Variants in TTLL9 observed in about 807,000 individuals in gnomAD.
TTLL9 encodes the protein probable tubulin polyglutamylase TTLL9.
TTLL9 carries 47 observed loss-of-function variants against 65.6 expected under a neutral mutation model. The ratio of observed to expected loss-of-function variants is 0.72; its 90% CI spans 0.57 to 0.91. The LOEUF (loss-of-function observed/expected upper bound fraction) is 0.91, where lower values mean the gene tolerates loss of function less well. Among genes scored for constraint, TTLL9 ranks in the 40% least tolerant of loss-of-function variants. The pLI, the probability that TTLL9 is intolerant of heterozygous loss-of-function variation, is 0.00. For missense variants in TTLL9, 537 were observed against 568.8 expected, an observed-to-expected ratio of 0.94 and a Z score of 0.57; for synonymous variants, 179 against 204.8, an observed-to-expected ratio of 0.87 and a Z score of 1.07.
At position 31,939,254 on chromosome 20, in the gene TTLL9, A is replaced by T; in HGVS notation, c.1231A>T (p.Asn411Tyr). 6.2e-7 allele frequency: 1 copy of T among 1,613,576 alleles called. No individual in the cohort carries two copies. Among genetic ancestry groups the T allele is most frequent in the East Asian group, 2.2e-5 (1 of 44,848 alleles). ...GTCGGGAATGGGAAACTTTGTGACC[A>T]ACACACATCTCGGTATGTAGGGCCA... ...DLSGMGNFVT[N>Y]THLGCVNDRK... Residue 411 changes from asparagine (N) to tyrosine (Y), a missense_variant, in exon 14 of 15, where the codon AAC (asparagine) becomes TAC (tyrosine). Physicochemically the swap from Asn to Tyr is moderately radical, Grantham distance 143 (BLOSUM62 -2). Coordinates refer to ENST00000535842, the MANE Select transcript of TTLL9 (RefSeq NM_001008409.5).
intron 2 of TTLL9, among the ~76,000 whole-genome samples, chr20:31,882,629 A>T (rs1456458311): frequency 6.6e-6 from 1 of 152,092 alleles, no homozygotes; most frequent in African/African-American, 2.4e-5. Flanking sequence ...TAATTTTTTA[A>T]AAAAAAACTC....
At chr20:31,905,984 G>C (rs936293925) in intron 4 of TTLL9, among the ~76,000 whole-genome samples, 2 of 136,246 alleles carry the variant, frequency 1.5e-5, no homozygotes, top group African/African-American at 5.5e-5. Flanking sequence ...GGTGAGTCGA[G>C]ATCGTGCCAT....
In TTLL9 at chr20:31,870,978, CCACCCGTGCAGAGA is replaced by C. The variant is rs959736588; in HGVS notation, c.-6+35_-6+48del. The C allele has an allele frequency of 6.5e-6, 5 of 764,622 alleles. No homozygotes were observed. The African/African-American group carries it at 8.5e-5, about 13-fold the overall frequency. The allele number at this position is 764,622 out of a possible 1,614,324, so 47.4% of individuals were successfully genotyped here. A position where few individuals can be genotyped will look rare whatever the true frequency, so the allele number is the denominator to read the frequency against. The stretch of plus-strand genomic sequence containing the variant: ...GGTAATTCCTTCCGATACATCCTCT[CCACCCGTGCAGAGA>C]CACCCTACCAACCAGCCTTCCTCCT... On this transcript the variant is annotated intron_variant, in intron 1 of 14. Transcript: ENST00000535842. The surrounding 1 kb of genome is among the most constrained non-coding windows in gnomAD (Gnocchi z 6.6).
intron 3 of TTLL9, among the ~76,000 whole-genome samples, chr20:31,894,499 T>C (rs188852180): frequency 2.6e-5 from 4 of 152,138 alleles, no homozygotes; most frequent in Admixed American, 2.6e-4. Context: ...TCTCTAATGA[T>C]TCTGATAACT....
intron 3 of TTLL9, among the ~76,000 whole-genome samples, chr20:31,890,142 CTTCCTTCCTTCCTTCT>C (rs1568753425): frequency 2.4e-4 from 6 of 25,134 alleles, no homozygotes; most frequent in African/African-American, 1.1e-3. Flanking sequence ...TCCTTCCTTC[CTTCCTTCCTTCCTTCT>C]TTCTTTCTTT....
At chr20:31,889,041 C>G (rs1309207058) in intron 3 of TTLL9, among the ~76,000 whole-genome samples, 1 of 75,306 alleles carries the variant, frequency 1.3e-5, no homozygotes, top group African/African-American at 7.0e-5. Context: ...TATAAAGGCA[C>G]ACACACACAC....
At chr20:31,923,184 G>A (rs1286954137) in intron 8 of TTLL9, 131 bp downstream of exon 8, 2 of 702,702 alleles carry the variant, frequency 2.8e-6, no homozygotes, top group East Asian at 2.7e-5. Flanking sequence ...GAAAGAGATG[G>A]GTTCTGCAGT....
intron 2 of TTLL9, among the ~76,000 whole-genome samples, chr20:31,874,409 C>CT (rs34362219): frequency 0.14 from 16,771 of 123,002 alleles, 2,764 homozygotes; most frequent in African/African-American, 0.38. Context: ...ATTAGCTGAT[C>CT]TTTTTTTTTT....
At chr20:31,918,895 C>T (rs562021448) in intron 6 of TTLL9, among the ~76,000 whole-genome samples, 87 of 152,354 alleles carry the variant, frequency 5.7e-4, no homozygotes, top group African/African-American at 2.0e-3. Flanking sequence ...CCATGGTGCA[C>T]AGCATGGCAG....
rs2064295886 is a variant in TTLL9 at position 31,944,831 on chromosome 20, G to A, written c.*1810G>A. On this transcript the variant is annotated 3_prime_UTR_variant, in exon 15 of 15. Coordinates refer to ENST00000535842, the MANE Select transcript of TTLL9 (RefSeq NM_001008409.5). ...GTGTGCCCCTGCCATGCTGCCATTT[G>A]TTATCACCCGCCTGTCAAATCACAG... 2 of 152,172 alleles carry A rather than the reference G, an allele frequency of 1.3e-5. No homozygotes were observed. Among genetic ancestry groups the A allele is most frequent in the South Asian group, 4.1e-4 (2 of 4,824 alleles). The allele number at this position is 152,172 out of a possible 1,614,324, so 9.4% of individuals were successfully genotyped here. A position where few individuals can be genotyped will look rare whatever the true frequency, so the allele number is the denominator to read the frequency against.
intron 2 of TTLL9, among the ~76,000 whole-genome samples, chr20:31,873,821 G>GAAGAAAGAAAGA (rs200264258): frequency 3.2e-4 from 31 of 96,072 alleles, no homozygotes; most frequent in South Asian, 7.0e-4. Flanking sequence ...AGGAAGGAAG[G>GAAGAAAGAAAGA]AAGAAAGAAA....
intron 2 of TTLL9, among the ~76,000 whole-genome samples, chr20:31,875,859 C>T (rs2063031907): frequency 6.6e-6 from 1 of 152,190 alleles, no homozygotes; most frequent in African/African-American, 2.4e-5. Flanking sequence ...CTCTCCCCAA[C>T]TAGTATCATA....
intron 2 of TTLL9, among the ~76,000 whole-genome samples, chr20:31,882,251 G>T (rs2063128847): frequency 6.6e-6 from 1 of 152,216 alleles, no homozygotes; most frequent in South Asian, 2.1e-4. Flanking sequence ...TCTCCAGAGG[G>T]CTAAGGGGAA....
At chr20:31,898,317 T>C (rs2063416060) in intron 3 of TTLL9, among the ~76,000 whole-genome samples, 156 bp from the exon 4 acceptor site, 1 of 152,264 alleles carries the variant, frequency 6.6e-6, no homozygotes, top group South Asian at 2.1e-4. Flanking sequence ...AATCTGATTA[T>C]GTTAAGTGTT....
intron 4 of TTLL9, among the ~76,000 whole-genome samples, chr20:31,902,367 T>G (rs1455697177): frequency 6.6e-6 from 1 of 152,198 alleles, no homozygotes; most frequent in African/African-American, 2.4e-5. Context: ...GCAGTATGTA[T>G]CAGTACTTCA....
At chr20:31,873,824 G>GGAAGAAAGAAAGAAAGAAAGAA (rs1568723298) in intron 2 of TTLL9, among the ~76,000 whole-genome samples, 8 of 44,178 alleles carry the variant, frequency 1.8e-4, no homozygotes, top group Admixed American at 1.3e-3. Context: ...AAGGAAGGAA[G>GGAAGAAAGAAAGAAAGAAAGAA]AAAGAAAGAA....
chr20:31,905,237 G>A (rs1254096434), intron 4 of TTLL9, among the ~76,000 whole-genome samples: 1 of 151,976 alleles, frequency 6.6e-6, no homozygotes, highest in African/African-American at 2.4e-5. Context: ...CGCTGGGCTA[G>A]TTTTTGTGTT....
intron 4 of TTLL9, among the ~76,000 whole-genome samples, chr20:31,905,653 C>T (rs2063545040): frequency 6.6e-6 from 1 of 152,154 alleles, no homozygotes. Context: ...GTCTGCCTGC[C>T]TTAAAGCCCC....
intron 8 of TTLL9, among the ~76,000 whole-genome samples, chr20:31,923,304 C>T (rs1194458208): frequency 6.6e-6 from 1 of 152,348 alleles, no homozygotes; most frequent in East Asian, 1.9e-4. Context: ...CTTATTCATG[C>T]GTTTATCCAA....
Sources: allele counts gnomAD v4.1 joint callset (sites outside exome capture counted in the v4.1 genomes callset), GRCh38; gene constraint gnomAD v4.1.1; non-coding constraint Gnocchi (gnomAD v3.1); transcripts MANE v1.5; gene names NCBI Gene and HGNC (gene_info 2026-07-23, HGNC 2026-07-21).